Variants in CDYL2 observed in about 807,000 individuals in gnomAD.
CDYL2 encodes chromodomain Y like 2.
CDYL2 carries 23 observed loss-of-function variants against 49.4 expected under a neutral mutation model. The observed-to-expected ratio is 0.47, with a 90% CI of 0.34 to 0.66. CDYL2 has a LOEUF of 0.66. Among genes scored for constraint, CDYL2 ranks in the 30% least tolerant of loss-of-function variants. The pLI is 0.01. For synonymous variants in CDYL2, 360 were observed against 268.8 expected (o/e 1.34, Z -3.32); for missense variants, 678 against 656.4 (o/e 1.03, Z -0.36).
intron 1 of CDYL2, among the ~76,000 whole-genome samples, chr16:80,778,106 G>T (rs7198155): frequency 0.21 from 31,563 of 151,838 alleles, 5,602 homozygotes; most frequent in African/African-American, 0.49. Flanking sequence ...TAATAAAATG[G>T]AATATCCATT....
In CDYL2 at chr16:80,638,360, C is replaced by T. The variant is rs143871274; in HGVS notation, c.617-5124G>A. ...AAAGTGCTGGGATTATAGGCGTGTGCCACCACACTTCGCCAAGACTCAATA... is the reference window on the plus strand; with the variant it reads ...AAAGTGCTGGGATTATAGGCGTGTGTCACCACACTTCGCCAAGACTCAATA... On this transcript the variant is annotated intron_variant, in intron 2 of 6. Transcript: ENST00000570137. 3.5e-3 allele frequency among the ~76,000 whole-genome samples: 534 copies of T among 152,284 alleles called. 6 individuals are homozygous for T. Among genetic ancestry groups the T allele is most frequent in the African/African-American group, 0.011 (442 of 41,546 alleles).
At chr16:80,654,181 G>C (rs575215556) in intron 2 of CDYL2, among the ~76,000 whole-genome samples, 1 of 152,142 alleles carries the variant, frequency 6.6e-6, no homozygotes, top group African/African-American at 2.4e-5. Flanking sequence ...GCGCTCTGCC[G>C]GGCTGGGTTG....
At chr16:80,754,626 T>G (rs1399038333) in intron 1 of CDYL2, among the ~76,000 whole-genome samples, 1 of 152,164 alleles carries the variant, frequency 6.6e-6, no homozygotes, top group East Asian at 1.9e-4. Context: ...GACAAGTCAC[T>G]TAGCTGTTGT....
intron 5 of CDYL2, among the ~76,000 whole-genome samples, chr16:80,608,474 T>G (rs558619268): frequency 6.6e-6 from 1 of 152,294 alleles, no homozygotes; most frequent in East Asian, 1.9e-4. Flanking sequence ...TTACTGTGAC[T>G]CTGTATGCCC....
intron 2 of CDYL2, among the ~76,000 whole-genome samples, chr16:80,667,211 A>G (rs1031491517): frequency 2.6e-5 from 4 of 152,128 alleles, no homozygotes; most frequent in African/African-American, 7.2e-5. Flanking sequence ...CATGCAGAAC[A>G]CAGACAGATG....
chr16:80,794,672 C>T (rs1399181929), intron 1 of CDYL2, among the ~76,000 whole-genome samples: 2 of 122,652 alleles, frequency 1.6e-5, no homozygotes, highest in African/African-American at 3.2e-5. Flanking sequence ...AGTGCAATGG[C>T]GTGATCTCGG....
At chr16:80,647,243 T>C (rs904479679) in intron 2 of CDYL2, among the ~76,000 whole-genome samples, 4 of 152,218 alleles carry the variant, frequency 2.6e-5, no homozygotes, top group African/African-American at 7.2e-5. Context: ...TCCATGTTCA[T>C]GGATTTAAGG....
intron 1 of CDYL2, among the ~76,000 whole-genome samples, chr16:80,710,109 G>A (rs1320957622): frequency 6.6e-6 from 1 of 151,972 alleles, no homozygotes; most frequent in Non-Finnish European, 1.5e-5. Context: ...TGTATTTTTA[G>A]TACAGACGGG....
At chr16:80,633,299 T>C in intron 2 of CDYL2, 63 bp from the exon 3 acceptor site, 1 of 1,516,998 alleles carries the variant, frequency 6.6e-7, no homozygotes, top group Non-Finnish European at 9.0e-7. Flanking sequence ...AAGGATGTGA[T>C]CAGAGGACGT....
intron 5 of CDYL2, among the ~76,000 whole-genome samples, chr16:80,609,978 G>A (rs1182529268): frequency 2.6e-5 from 4 of 152,120 alleles, no homozygotes; most frequent in Non-Finnish European, 4.4e-5. Context: ...TGTCCAGGAG[G>A]CATCATGACA....
intron 1 of CDYL2, among the ~76,000 whole-genome samples, chr16:80,722,134 C>T (rs796951631): frequency 1.3e-5 from 2 of 151,818 alleles, no homozygotes; most frequent in African/African-American, 4.8e-5. Flanking sequence ...TTTAAAAGTA[C>T]AATGATTCTT....
intron 1 of CDYL2, among the ~76,000 whole-genome samples, chr16:80,784,536 G>GA (rs1192865615): frequency 6.6e-6 from 1 of 152,072 alleles, no homozygotes; most frequent in Non-Finnish European, 1.5e-5. Flanking sequence ...ATCCATGAGA[G>GA]AAAACCAGAA....
At position 80,618,389 on chromosome 16, in the gene CDYL2, G is replaced by A. The variant is rs546317800; in HGVS notation, c.1007+2374C>T. ...AGAGACGCACAGATACCACGCAGCA[G>A]ACCCCAATGGGTAGAGGCTATGGGG... On this transcript the variant is annotated intron_variant, in intron 4 of 6. Transcript: ENST00000570137. 3.3e-5 allele frequency among the ~76,000 whole-genome samples: 5 copies of A among 152,334 alleles called. No individual in the cohort carries two copies. The South Asian group carries it at 6.2e-4, about 19-fold the overall frequency.
chr16:80,782,960 C>T (rs1326282560), intron 1 of CDYL2, among the ~76,000 whole-genome samples: 4 of 152,060 alleles, frequency 2.6e-5, no homozygotes. Context: ...ACCATTTTCT[C>T]CACTTCTGTT....
At chr16:80,731,248 ACAT>A (rs34739959) in intron 1 of CDYL2, among the ~76,000 whole-genome samples, 63,701 of 151,708 alleles carry the variant, frequency 0.42, 16,043 homozygotes, top group Middle Eastern at 0.6. Flanking sequence ...AAAACTAAAA[ACAT>A]CAGCGCAAAA....
intron 1 of CDYL2, among the ~76,000 whole-genome samples, chr16:80,708,433 G>A (rs1904478122): frequency 6.6e-6 from 1 of 152,136 alleles, no homozygotes; most frequent in Non-Finnish European, 1.5e-5. Flanking sequence ...CCATGATTGT[G>A]AGGCCTCCCC....
chr16:80,750,013 C>G (rs1906075642), intron 1 of CDYL2, among the ~76,000 whole-genome samples: 1 of 151,600 alleles, frequency 6.6e-6, no homozygotes, highest in Non-Finnish European at 1.5e-5. Context: ...CATGTTCTCA[C>G]TCAGAGGTGG....
chr16:80,706,938 G>C (rs1904425300), intron 1 of CDYL2, among the ~76,000 whole-genome samples: 1 of 152,028 alleles, frequency 6.6e-6, no homozygotes, highest in South Asian at 2.1e-4. Context: ...TTGTCTGCCT[G>C]CCCATAAAAT....
In CDYL2 at chr16:80,697,401, AG is replaced by A. The variant is rs77310372; in HGVS notation, c.25-12273del. 2.7e-3 allele frequency among the ~76,000 whole-genome samples: 409 copies of A among 152,314 alleles called. 9 individuals carry two copies. The East Asian group carries it at 0.061, about 23-fold the overall frequency. On this transcript the variant is annotated intron_variant, in intron 1 of 6. Transcript: ENST00000570137. Reference sequence around the variant, plus strand: ...TCATGATAAAAACTCTCAACAAATCAGGTAGACAAGGAACGTTCCTCAACAT... The same window carrying A: ...TCATGATAAAAACTCTCAACAAATCAGTAGACAAGGAACGTTCCTCAACAT...
Sources: allele counts gnomAD v4.1 joint callset (sites outside exome capture counted in the v4.1 genomes callset), GRCh38; gene constraint gnomAD v4.1.1; transcripts MANE v1.5; gene names NCBI Gene and HGNC (gene_info 2026-07-23, HGNC 2026-07-21).